Variants in VAV2 observed in about 807,000 individuals in gnomAD.
VAV2 encodes guanine nucleotide exchange factor VAV2.
VAV2 carries 67 observed loss-of-function variants against 132.5 expected under a neutral mutation model. The ratio of observed to expected loss-of-function variants is 0.51; its 90% CI spans 0.42 to 0.62. VAV2 has a LOEUF of 0.62. Ranked by LOEUF, VAV2 falls within the 20% of genes least tolerant of loss-of-function variation. The pLI, the probability that VAV2 is intolerant of heterozygous loss-of-function variation, is 0.00. For missense variants in VAV2, 938 were observed against 1,153.6 expected, an observed-to-expected ratio of 0.81 and a Z score of 2.71; for synonymous variants, 492 against 443.5, an observed-to-expected ratio of 1.11 and a Z score of -1.37.
rs2131687021 is a variant in VAV2, at chr9:133,807,251, C to T, written c.735+7G>A. ...CTGGCATGAGCGATGGGGGCCGGGA[C>T]CCTTACCTCCAGGTTAATGAAGACA... On this transcript the variant is annotated splice_region_variant and intron_variant, in intron 8 of 29. Coordinates refer to ENST00000371850, the MANE Select transcript of VAV2 (RefSeq NM_001134398.2). The T allele has an allele frequency of 1.2e-6, 2 of 1,609,380 alleles. No individual in the cohort carries two copies. Among genetic ancestry groups the T allele is most frequent in the East Asian group, 4.5e-5 (2 of 44,704 alleles).
rs778463641 is a variant in VAV2 at position 133,802,167 on chromosome 9, G to A, written c.836+3914C>T. Among the ~76,000 whole-genome samples, 13 of 152,156 alleles carry A rather than the reference G, an allele frequency of 8.5e-5. No homozygotes were observed. The highest frequency in any genetic ancestry group is 1.6e-4 in the Non-Finnish European group (11 of 68,034). On this transcript the variant is annotated intron_variant, in intron 9 of 29. Transcript: ENST00000371850. This position sits in a 1 kb window ranked among gnomAD's most constrained non-coding sequence, Gnocchi z 5.8. ...GACAGTGACTCCAAGCCTATTGGAG[G>A]AAGTCAGTTAAGGAGGCAAAAGTTT...
At chr9:133,949,281 G>C (rs905634585) in intron 1 of VAV2, among the ~76,000 whole-genome samples, 1 of 152,176 alleles carries the variant, frequency 6.6e-6, no homozygotes, top group East Asian at 1.9e-4. Context: ...CCTTCCCCGA[G>C]GACGCCCTGA....
chr9:133,882,696 G>C (rs1020639961), intron 2 of VAV2, among the ~76,000 whole-genome samples: 2 of 152,148 alleles, frequency 1.3e-5, no homozygotes, highest in African/African-American at 4.8e-5. Context: ...CACCAGGTCC[G>C]TGATACTTGG....
At position 133,915,477 on chromosome 9, in the gene VAV2, G is replaced by A. The variant is rs573299765; in HGVS notation, c.321+23626C>T. On this transcript the variant is annotated intron_variant, in intron 2 of 29. Coordinates refer to ENST00000371850, the MANE Select transcript of VAV2 (RefSeq NM_001134398.2). ...TCTACTGAAAAAAATGCCGGACAAG[G>A]GGCTGTGCCCACTTTACAAAGCACC... Among the ~76,000 whole-genome samples, 4 of 152,314 alleles carry A rather than the reference G, an allele frequency of 2.6e-5. No homozygotes were observed. In the South Asian group the frequency reaches 8.3e-4, roughly 32 times the overall value.
intron 27 of VAV2, 144 bp downstream of exon 27, chr9:133,770,233 GA>G (rs1833570572): frequency 7.6e-7 from 1 of 1,317,654 alleles, no homozygotes; most frequent in Non-Finnish European, 1.0e-6. Flanking sequence ...CAGCATCTGC[GA>G]TGGCTGGGGG....
At chr9:133,812,623 G>A (rs1268140719) in intron 4 of VAV2, among the ~76,000 whole-genome samples, 2 of 152,102 alleles carry the variant, frequency 1.3e-5, no homozygotes, top group Admixed American at 1.3e-4. Flanking sequence ...TCTCTCCCCT[G>A]GCCCAAGGCT....
intron 2 of VAV2, among the ~76,000 whole-genome samples, chr9:133,934,495 C>T (rs759576183): frequency 4.3e-4 from 66 of 152,262 alleles, no homozygotes; most frequent in Non-Finnish European, 3.7e-4. Context: ...TTCCTGTGGG[C>T]GGCACCATCC....
intron 2 of VAV2, among the ~76,000 whole-genome samples, chr9:133,890,545 C>G (rs900817938): frequency 6.6e-6 from 1 of 152,156 alleles, no homozygotes; most frequent in Non-Finnish European, 1.5e-5. Context: ...TAGAGTCCCT[C>G]TCCCCTTTGT....
intron 4 of VAV2, among the ~76,000 whole-genome samples, chr9:133,819,486 G>A (rs1835702979): frequency 6.6e-6 from 1 of 152,014 alleles, no homozygotes; most frequent in Non-Finnish European, 1.5e-5. Context: ...AAACACTAGA[G>A]GAGAAGCTGT....
chr9:133,771,740 C>T (rs537651628), intron 26 of VAV2, among the ~76,000 whole-genome samples: 53 of 152,312 alleles, frequency 3.5e-4, no homozygotes, highest in African/African-American at 1.2e-3. Flanking sequence ...TTACCAGGGT[C>T]AACCACCTTG....
intron 1 of VAV2, among the ~76,000 whole-genome samples, chr9:133,982,154 G>A (rs1486364390): frequency 6.6e-6 from 1 of 152,218 alleles, no homozygotes; most frequent in Non-Finnish European, 1.5e-5. Flanking sequence ...CAGGCAAGAA[G>A]GTTCCCCTCC....
chr9:133,776,986 A>G (rs1833838672), intron 23 of VAV2, among the ~76,000 whole-genome samples: 1 of 152,186 alleles, frequency 6.6e-6, no homozygotes, highest in South Asian at 2.1e-4. Context: ...TAAATAGCAT[A>G]AAGTCTAGCT....
Position 133,947,779 on chromosome 9 carries a change from C to T in VAV2, c.205-8560G>A, listed in dbSNP as rs542727521. On this transcript the variant is annotated intron_variant, in intron 1 of 29. Coordinates refer to ENST00000371850, the MANE Select transcript of VAV2 (RefSeq NM_001134398.2). ...CTTCCCAGGCCATCACCAGGGCCCC[C>T]GCGCTATGGCCTTTGTGAGTGTGTG... Among the ~76,000 whole-genome samples, 6 of 151,936 alleles carry T rather than the reference C, an allele frequency of 3.9e-5. No individual in the cohort carries two copies. The South Asian group carries it at 8.3e-4, about 21-fold the overall frequency.
intron 2 of VAV2, among the ~76,000 whole-genome samples, chr9:133,925,490 T>A (rs1430555988): frequency 1.3e-5 from 2 of 152,246 alleles, no homozygotes; most frequent in Non-Finnish European, 2.9e-5. Flanking sequence ...AGTGCTGGGA[T>A]TACAGGCATG....
chr9:133,987,597 A>C (rs1156942282), intron 1 of VAV2, among the ~76,000 whole-genome samples: 1 of 152,244 alleles, frequency 6.6e-6, no homozygotes, highest in Admixed American at 6.5e-5. Flanking sequence ...GCCCAGGGCC[A>C]AGCCTTTGCG....
intron 13 of VAV2, among the ~76,000 whole-genome samples, chr9:133,789,743 C>A (rs749379733): frequency 5.6e-5 from 8 of 143,496 alleles, no homozygotes; most frequent in Non-Finnish European, 1.1e-4. Flanking sequence ...TGCTGCAGGG[C>A]GGGTGGGGCC....
intron 2 of VAV2, among the ~76,000 whole-genome samples, chr9:133,896,869 C>T (rs973255764): frequency 7.9e-5 from 12 of 152,210 alleles, no homozygotes; most frequent in Non-Finnish European, 1.2e-4. Flanking sequence ...CCGAGGCGGG[C>T]GGATCACGAG....
At chr9:133,856,144 C>T (rs1475151680) in intron 3 of VAV2, among the ~76,000 whole-genome samples, 1 of 152,092 alleles carries the variant, frequency 6.6e-6, no homozygotes, top group Non-Finnish European at 1.5e-5. Context: ...CTGGGGAGGG[C>T]GGTGACTGCT....
At chr9:133,948,710 G>T (rs185772238) in intron 1 of VAV2, among the ~76,000 whole-genome samples, 2 of 152,220 alleles carry the variant, frequency 1.3e-5, no homozygotes, top group Non-Finnish European at 2.9e-5. Context: ...AACAACGTCC[G>T]GTGGCTCTTC....
Sources: gnomAD v4.1 joint callset for allele counts (sites outside exome capture counted in the v4.1 genomes callset) on GRCh38, gnomAD v4.1.1 for gene constraint, Gnocchi (gnomAD v3.1) non-coding constraint, MANE v1.5 for transcripts, NCBI Gene and HGNC (gene_info 2026-07-23, HGNC 2026-07-21) for gene names.